The following SGCZ variants were observed in gnomAD, a reference collection of about 807,000 sequenced individuals.
The protein encoded by SGCZ is zeta-sarcoglycan.
SGCZ carries 40 observed loss-of-function variants against 41.3 expected under a neutral mutation model. The ratio of observed to expected loss-of-function variants is 0.97; its 90% CI spans 0.75 to 1.26. The LOEUF (loss-of-function observed/expected upper bound fraction) is 1.26. Ranked by LOEUF, SGCZ falls within the 50% of genes most tolerant of loss-of-function variation. The pLI, the probability that SGCZ is intolerant of heterozygous loss-of-function variation, is 0.00. For synonymous variants in SGCZ, 206 were observed against 137.5 expected, an observed-to-expected ratio of 1.50 and a Z score of -3.49; for missense variants, 552 against 369.8, an observed-to-expected ratio of 1.49 and a Z score of -4.04.
intron 1 of SGCZ, among the ~76,000 whole-genome samples, chr8:14,608,718 C>A (rs1025484925): frequency 6.6e-6 from 1 of 151,926 alleles, no homozygotes. Flanking sequence ...TATGGGGGAT[C>A]CACCCCCACG....
intron 1 of SGCZ, among the ~76,000 whole-genome samples, chr8:14,898,650 A>G (rs1805292053): frequency 1.3e-5 from 2 of 152,266 alleles, no homozygotes; most frequent in African/African-American, 4.8e-5. Flanking sequence ...AATCGAAAGG[A>G]TTTGATAATG....
intron 3 of SGCZ, among the ~76,000 whole-genome samples, chr8:14,281,943 G>A (rs567709944): frequency 3.0e-4 from 45 of 151,802 alleles, no homozygotes; most frequent in Non-Finnish European, 5.6e-4. Flanking sequence ...ACTCCATTTT[G>A]CATTTAAACG....
intron 1 of SGCZ, among the ~76,000 whole-genome samples, chr8:14,626,028 G>C (rs1806442517): frequency 6.6e-6 from 1 of 152,212 alleles, no homozygotes; most frequent in Non-Finnish European, 1.5e-5. Context: ...CGCTAGGGCA[G>C]ACATATGAGG....
At chr8:14,457,199 T>G (rs1248134269) in intron 2 of SGCZ, among the ~76,000 whole-genome samples, 1 of 152,210 alleles carries the variant, frequency 6.6e-6, no homozygotes, top group Admixed American at 6.5e-5. Flanking sequence ...CGCTCTATAA[T>G]CATAGCCTAG....
intron 1 of SGCZ, among the ~76,000 whole-genome samples, chr8:14,806,949 T>C (rs2130523003): frequency 6.6e-6 from 1 of 151,716 alleles, no homozygotes; most frequent in Middle Eastern, 3.4e-3. Flanking sequence ...ATAAATGTAA[T>C]CCAGCATATA....
chr8:14,252,315 A>G (rs1278334107), intron 3 of SGCZ, among the ~76,000 whole-genome samples: 1 of 151,956 alleles, frequency 6.6e-6, no homozygotes, highest in Non-Finnish European at 1.5e-5. Context: ...TATTTTTTTC[A>G]GACTTGTCAG....
At chr8:14,909,029 T>G (rs1585369528) in intron 1 of SGCZ, among the ~76,000 whole-genome samples, 1 of 152,198 alleles carries the variant, frequency 6.6e-6, no homozygotes, top group Non-Finnish European at 1.5e-5. Flanking sequence ...ATCGGGACTC[T>G]AATGATGAGT....
intron 4 of SGCZ, among the ~76,000 whole-genome samples, chr8:14,237,281 C>T (rs1037594823): frequency 2.0e-5 from 3 of 152,076 alleles, no homozygotes; most frequent in Non-Finnish European, 1.5e-5. Context: ...CATGACTAGC[C>T]TATGACAAGT....
intron 3 of SGCZ, among the ~76,000 whole-genome samples, chr8:14,313,923 TG>T (rs1801629055): frequency 1.7e-5 from 2 of 120,938 alleles, no homozygotes; most frequent in South Asian, 4.9e-4. Flanking sequence ...TGTGTGTGTG[TG>T]TGTGTGTGTG....
At chr8:14,636,569 T>C (rs1806834988) in intron 1 of SGCZ, among the ~76,000 whole-genome samples, 1 of 151,742 alleles carries the variant, frequency 6.6e-6, no homozygotes, top group Non-Finnish European at 1.5e-5. Context: ...TGTCAATAGG[T>C]TTGTGGGTTG....
intron 1 of SGCZ, among the ~76,000 whole-genome samples, chr8:14,783,651 G>A (rs769944747): frequency 2.0e-5 from 3 of 151,964 alleles, no homozygotes; most frequent in African/African-American, 4.8e-5. Flanking sequence ...TTTAAAACAC[G>A]TTAGTGGATT....
chr8:14,607,261 ATTTGGCC>A (rs1199992310), intron 1 of SGCZ, among the ~76,000 whole-genome samples: 2 of 152,204 alleles, frequency 1.3e-5, no homozygotes, highest in Non-Finnish European at 2.9e-5. Flanking sequence ...ATCCCCATAT[ATTTGGCC>A]TTCTTTCTTT....
At chr8:14,451,863 C>T (rs1800604131) in intron 2 of SGCZ, among the ~76,000 whole-genome samples, 1 of 152,198 alleles carries the variant, frequency 6.6e-6, no homozygotes, top group African/African-American at 2.4e-5. Flanking sequence ...ACAACAGAAA[C>T]TCTCATTGAT....
chr8:14,810,157 T>C (rs934459946), intron 1 of SGCZ, among the ~76,000 whole-genome samples: 4 of 152,046 alleles, frequency 2.6e-5, no homozygotes, highest in African/African-American at 9.7e-5. Context: ...GCTCTTATTA[T>C]CATGGCATGT....
intron 4 of SGCZ, among the ~76,000 whole-genome samples, chr8:14,216,974 A>G (rs78352106): frequency 0.036 from 5,509 of 152,264 alleles, 154 homozygotes; most frequent in African/African-American, 0.077. Context: ...CCAAGGCCAC[A>G]TATGTGGTGA....
At chr8:14,823,055 T>TTAAAAAAAAAAAA (rs1491314386) in intron 1 of SGCZ, among the ~76,000 whole-genome samples, 5 of 75,480 alleles carry the variant, frequency 6.6e-5, no homozygotes, top group African/African-American at 2.3e-4. Context: ...CCAATCCTCA[T>TTAAAAAAAAAAAA]AAAAAAAAAA....
chr8:14,976,061 C>T (rs369480170), intron 1 of SGCZ, among the ~76,000 whole-genome samples: 3 of 149,316 alleles, frequency 2.0e-5, no homozygotes, highest in African/African-American at 4.9e-5. Context: ...CTCAATCTGT[C>T]GCTCAAGCTG....
chr8:15,037,234 C>A (rs192079214), intron 1 of SGCZ, among the ~76,000 whole-genome samples: 397 of 152,212 alleles, frequency 2.6e-3, no homozygotes, highest in African/African-American at 9.3e-3. Context: ...GAGGCGGTTA[C>A]CCCCATGCTA....
At chr8:14,330,535 T>G (rs890112830) in intron 2 of SGCZ, among the ~76,000 whole-genome samples, 21 of 152,200 alleles carry the variant, frequency 1.4e-4, no homozygotes, top group African/African-American at 4.3e-4. Context: ...TTGTTGACAT[T>G]CAAACCTACG....
Sources: gnomAD v4.1 joint callset for allele counts (sites outside exome capture counted in the v4.1 genomes callset) on GRCh38, gnomAD v4.1.1 for gene constraint, MANE v1.5 for transcripts, NCBI Gene and HGNC (gene_info 2026-07-23, HGNC 2026-07-21) for gene names.